The following UBE2F variants were observed in gnomAD, a reference collection of about 807,000 sequenced individuals.
UBE2F encodes the protein ubiquitin conjugating enzyme E2 F (putative).
A neutral mutation model predicts 29.6 loss-of-function variants in UBE2F; 5 were observed. The observed-to-expected ratio is 0.17, with a 90% CI of 0.09 to 0.36. UBE2F has a LOEUF of 0.36. UBE2F is among the 10% of genes least tolerant of loss of function. The probability of loss-of-function intolerance (pLI) is 1.00; values close to 1 mark genes in which losing one functional copy is unlikely to be tolerated. For synonymous variants in UBE2F, 66 were observed against 81.8 expected (o/e 0.81, Z 1.04); for missense variants, 141 against 228.5 (o/e 0.62, Z 2.47).
chr2:238,013,010 T>C (rs570659775), intron 4 of UBE2F, among the ~76,000 whole-genome samples: 2 of 152,290 alleles, frequency 1.3e-5, no homozygotes, highest in Non-Finnish European at 2.9e-5. Flanking sequence ...GTGTGGTGGC[T>C]CATGCCTGTA....
chr2:237,989,958 A>G lies in UBE2F; in HGVS notation c.148+1966A>G, dbSNP rs1419162987. Among the ~76,000 whole-genome samples, 4 of 151,896 alleles carry G rather than the reference A, an allele frequency of 2.6e-5. No homozygotes were observed. The East Asian group carries it at 5.9e-4, about 22-fold the overall frequency. On this transcript the variant is annotated intron_variant, in intron 3 of 9. Coordinates refer to ENST00000272930, the MANE Select transcript of UBE2F (RefSeq NM_080678.3). ...ACATGATGAAACCCTGTCTCTACTA[A>G]AAGTGCAAATTTAGCCAGTTGTAGT... is the stretch of plus-strand genomic sequence containing the variant.
At chr2:238,008,307 T>G (rs2063948859) in intron 4 of UBE2F, among the ~76,000 whole-genome samples, 1 of 152,190 alleles carries the variant, frequency 6.6e-6, no homozygotes, top group Non-Finnish European at 1.5e-5. Flanking sequence ...GCCACCTGTC[T>G]CTGGAATTTT....
chr2:238,013,935 T>C (rs2064096214), intron 4 of UBE2F, among the ~76,000 whole-genome samples: 1 of 152,224 alleles, frequency 6.6e-6, no homozygotes, highest in African/African-American at 2.4e-5. Flanking sequence ...GATAGTAACA[T>C]AGAATTGGCC....
rs1214052294 is a variant in UBE2F, at chr2:237,967,133, G to A, written c.-17+1G>A. 2 of 1,305,306 alleles carry A rather than the reference G, an allele frequency of 1.5e-6. No individual in the cohort carries two copies. The highest frequency in any genetic ancestry group is 2.0e-6 in the Non-Finnish European group (2 of 1,022,820). The allele number at this position is 1,305,306 out of a possible 1,614,324, so 80.9% of individuals were successfully genotyped here. ...GCCTCGCCTGTCTCGGGGAGCCCAG[G>A]TGAGGAGCGACCGTGCGGCTCTGCG... On this transcript the variant is annotated splice_donor_variant, in intron 1 of 9. Coordinates refer to ENST00000272930, the MANE Select transcript of UBE2F (RefSeq NM_080678.3). LOFTEE classifies it low-confidence loss of function (5UTR_SPLICE). The surrounding 1 kb of genome is among the most constrained non-coding windows in gnomAD (Gnocchi z 6.3).
intron 5 of UBE2F, among the ~76,000 whole-genome samples, chr2:238,020,318 A>G (rs1412454076): frequency 6.6e-6 from 1 of 152,132 alleles, no homozygotes; most frequent in Non-Finnish European, 1.5e-5. Context: ...TAGAAAAGAG[A>G]TGAAATAATT....
intron 6 of UBE2F, among the ~76,000 whole-genome samples, chr2:238,030,007 G>A (rs190542977): frequency 6.6e-5 from 10 of 151,324 alleles, no homozygotes; most frequent in African/African-American, 1.5e-4. Context: ...GTACAGGGGC[G>A]CCATCACAGC....
intron 5 of UBE2F, among the ~76,000 whole-genome samples, chr2:238,018,205 T>C (rs2064207023): frequency 6.6e-6 from 1 of 152,182 alleles, no homozygotes. Context: ...TTGGTTTCAG[T>C]ACAGATGTTT....
chr2:238,024,380 C>G (rs562593638), intron 5 of UBE2F, among the ~76,000 whole-genome samples: 3 of 152,168 alleles, frequency 2.0e-5, no homozygotes, highest in Non-Finnish European at 2.9e-5. Flanking sequence ...GGGACTCGCT[C>G]TGTCACCCAG....
At chr2:237,970,307 T>G (rs1333801746) in intron 1 of UBE2F, among the ~76,000 whole-genome samples, 1 of 152,176 alleles carries the variant, frequency 6.6e-6, no homozygotes, top group Non-Finnish European at 1.5e-5. Flanking sequence ...CCTGGGAGTT[T>G]GAGCCTGCAC....
intron 4 of UBE2F, among the ~76,000 whole-genome samples, chr2:237,996,473 C>CAT (rs2063694800): frequency 5.6e-5 from 6 of 107,484 alleles, no homozygotes; most frequent in African/African-American, 3.3e-4. Context: ...GCCTCCCCTC[C>CAT]GCGTTTTTTT....
rs182024563 is a variant in UBE2F at position 237,999,356 on chromosome 2, C to T, written c.214+4547C>T. Among the ~76,000 whole-genome samples the T allele has an allele frequency of 4.5e-3, 690 of 152,312 alleles. 7 individuals carry two copies. Among genetic ancestry groups the T allele is most frequent in the Admixed American group, 7.0e-3 (107 of 15,292 alleles). On this transcript the variant is annotated intron_variant, in intron 4 of 9. Transcript: ENST00000272930. ...AAGTGCTGAGATTACTGCCATGAGC[C>T]ACCACATGTGGCTGAAGTTTTAATT...
intron 5 of UBE2F, among the ~76,000 whole-genome samples, chr2:238,019,070 C>T (rs569455348): frequency 6.6e-6 from 1 of 152,276 alleles, no homozygotes; most frequent in South Asian, 2.1e-4. Flanking sequence ...TGCTATTCCC[C>T]AGCCCCCCTC....
At chr2:238,039,368 A>C (rs1421288067) in intron 9 of UBE2F, among the ~76,000 whole-genome samples, 1 of 152,260 alleles carries the variant, frequency 6.6e-6, no homozygotes. Context: ...CTGGCAGTGC[A>C]AAGGCCCTGA....
intron 3 of UBE2F, among the ~76,000 whole-genome samples, chr2:237,993,032 G>T (rs2063621379): frequency 6.6e-6 from 1 of 151,542 alleles, no homozygotes; most frequent in Non-Finnish European, 1.5e-5. Flanking sequence ...TTGTTGCCCA[G>T]GCTGGAGGGC....
chr2:238,026,650 G>C (rs2064438711), intron 6 of UBE2F, among the ~76,000 whole-genome samples: 3 of 152,100 alleles, frequency 2.0e-5, no homozygotes, highest in South Asian at 4.1e-4. Flanking sequence ...AGCCAGGATG[G>C]TCTCAATCTC....
intron 1 of UBE2F, 46 bp from the exon 2 acceptor site, chr2:237,973,046 C>T (rs2063207694): frequency 6.5e-6 from 10 of 1,539,372 alleles, no homozygotes; most frequent in Non-Finnish European, 8.8e-6. Context: ...TCTAATTAGT[C>T]TCTGGAGACC....
intron 4 of UBE2F, among the ~76,000 whole-genome samples, chr2:238,001,601 A>G (rs967881038): frequency 6.6e-6 from 1 of 152,020 alleles, no homozygotes; most frequent in African/African-American, 2.4e-5. Context: ...GTGGATCATG[A>G]GGTCAGGAGA....
At chr2:238,030,742 C>A in intron 7 of UBE2F, 129 bp downstream of exon 7, 1 of 703,782 alleles carries the variant, frequency 1.4e-6, no homozygotes, top group Non-Finnish European at 2.6e-6. Flanking sequence ...ACACACCCTG[C>A]CTCCTCTTCT....
chr2:237,974,938 T>G (rs1007950338), intron 2 of UBE2F, among the ~76,000 whole-genome samples: 2 of 151,204 alleles, frequency 1.3e-5, no homozygotes, highest in African/African-American at 4.9e-5. Flanking sequence ...TGTGAGCCAC[T>G]GTGCCCGGCC....
Sources: allele counts gnomAD v4.1 joint callset (sites outside exome capture counted in the v4.1 genomes callset), GRCh38; gene constraint gnomAD v4.1.1; non-coding constraint Gnocchi (gnomAD v3.1); transcripts MANE v1.5; gene names NCBI Gene and HGNC (gene_info 2026-07-23, HGNC 2026-07-21).